ELP3: variants seen among roughly 807,000 people sequenced by gnomAD.
ELP3 encodes the protein elongator complex protein 3.
ELP3 carries 56 observed loss-of-function variants against 74.9 expected under a neutral mutation model. That is an observed-to-expected ratio of 0.75 (90% CI 0.60 to 0.93). The LOEUF is 0.93. Ranked by LOEUF, ELP3 falls within the 40% of genes least tolerant of loss-of-function variation. The pLI is 0.00. For missense variants in ELP3, 573 were observed against 686.5 expected (o/e 0.83, Z 1.85); for synonymous variants, 222 against 239.8 (o/e 0.93, Z 0.68).
intron 10 of ELP3, among the ~76,000 whole-genome samples, chr8:28,142,768 G>A (rs932438586): frequency 3.3e-5 from 5 of 152,114 alleles, no homozygotes; most frequent in African/African-American, 1.2e-4. Context: ...AGACTAATAT[G>A]TTCATAGTAT....
At position 28,137,857 on chromosome 8, in the gene ELP3, G is replaced by A. The variant is rs764195296; in HGVS notation, c.1066G>A (p.Val356Met). The part of the protein sequence containing the change: ...VELVARILAL[V>M]PPWTRVYRVQ... ...ATTGGTGGCTCGGATCCTAGCCCTCGTGCCTCCATGGACTCGAGTGTACCG... is the reference window on the plus strand; with the variant it reads ...ATTGGTGGCTCGGATCCTAGCCCTCATGCCTCCATGGACTCGAGTGTACCG... The change falls in exon 10 of 15, where the codon GTG becomes ATG. Residue 356 changes from valine to methionine, a missense_variant. Coordinates refer to ENST00000256398, the MANE Select transcript of ELP3 (RefSeq NM_018091.6). 20 of 1,612,998 alleles carry A rather than the reference G, an allele frequency of 1.2e-5. No homozygotes were observed. The highest frequency in any genetic ancestry group is 4.5e-5 in the East Asian group (2 of 44,880).
rs554926933 is a variant in ELP3 at position 28,110,388 on chromosome 8, A to C, written c.412A>C (p.Ile138Leu). 1.9e-6 allele frequency: 3 copies of C among 1,613,910 alleles called. No individual in the cohort carries two copies. The highest frequency in any genetic ancestry group is 2.2e-5 in the South Asian group (2 of 91,016). The change falls in exon 6 of 15, where the codon ATC becomes CTC. Residue 138 changes from isoleucine to leucine, a missense_variant. Coordinates refer to ENST00000256398, the MANE Select transcript of ELP3 (RefSeq NM_018091.6). ...TGYEPTSMRA[I>L]RARYDPFLQT... ...CTTCTAGCCAACCTCCATGAGAGCT[A>C]TCCGTGCCAGATATGACCCTTTCCT...
chr8:28,120,740 C>T (rs1463948641), intron 7 of ELP3, among the ~76,000 whole-genome samples: 1 of 152,144 alleles, frequency 6.6e-6, no homozygotes, highest in East Asian at 1.9e-4. Context: ...AGGTGGGGAT[C>T]AAGGTTCCTT....
intron 4 of ELP3, among the ~76,000 whole-genome samples, chr8:28,107,673 T>C (rs1811751589): frequency 6.6e-6 from 1 of 152,222 alleles, no homozygotes; most frequent in Non-Finnish European, 1.5e-5. Flanking sequence ...ACCTCTGAAA[T>C]AAACACAACT....
intron 7 of ELP3, among the ~76,000 whole-genome samples, chr8:28,124,266 G>A (rs1288764319): frequency 2.6e-5 from 4 of 152,076 alleles, no homozygotes; most frequent in East Asian, 1.9e-4. Context: ...AAGTGAATGC[G>A]GTGGAAAGAA....
intron 1 of ELP3, among the ~76,000 whole-genome samples, chr8:28,095,035 A>G (rs1045860616): frequency 6.6e-6 from 1 of 152,220 alleles, no homozygotes; most frequent in Non-Finnish European, 1.5e-5. Context: ...GCCTTTGCCT[A>G]GTGGCCAGGG....
At chr8:28,090,755 A>G (rs1218829959), upstream of ELP3, among the ~76,000 whole-genome samples, 1 of 152,050 alleles carries the variant, frequency 6.6e-6, no homozygotes, top group Non-Finnish European at 1.5e-5. Flanking sequence ...TCTGACTGGC[A>G]ATTGGTTGAA....
chr8:28,167,711 A>G (rs1250855224), intron 14 of ELP3, among the ~76,000 whole-genome samples: 1 of 152,052 alleles, frequency 6.6e-6, no homozygotes, highest in East Asian at 1.9e-4. Context: ...GTCCTTTTGT[A>G]CTATCTTTGT....
At chr8:28,168,343 G>A (rs963415022) in intron 14 of ELP3, among the ~76,000 whole-genome samples, 2 of 152,196 alleles carry the variant, frequency 1.3e-5, no homozygotes, top group African/African-American at 4.8e-5. Flanking sequence ...TTTGGCAAAT[G>A]CTGTTGCTAA....
chr8:28,099,688 C>T lies in ELP3; in HGVS notation c.120-140C>T. The stretch of plus-strand genomic sequence containing the variant: ...TATTCTTCTATTTCCCTGATAGTCA[C>T]AGATCTTAAAACTATCCTTGTCACG... On this transcript the variant is annotated intron_variant, in intron 2 of 14. Transcript: ENST00000256398. 6 of 933,870 alleles carry T rather than the reference C, an allele frequency of 6.4e-6. No homozygotes were observed. In the South Asian group the frequency reaches 9.2e-5, roughly 14 times the overall value. 57.8% of individuals were successfully genotyped at this position (933,870 alleles called of 1,614,324 possible).
intron 7 of ELP3, among the ~76,000 whole-genome samples, chr8:28,121,250 A>G (rs916531868): frequency 6.6e-6 from 1 of 151,782 alleles, no homozygotes; most frequent in Non-Finnish European, 1.5e-5. Flanking sequence ...TTCTTTCAAA[A>G]TATTTGTATG....
chr8:28,150,919 A>G (rs530787845), intron 10 of ELP3, among the ~76,000 whole-genome samples: 1 of 152,230 alleles, frequency 6.6e-6, no homozygotes, highest in Non-Finnish European at 1.5e-5. Flanking sequence ...TCAGCCTCCC[A>G]AATAATCGGG....
intron 6 of ELP3, chr8:28,112,547 A>T (rs1009267771): frequency 6.6e-6 from 1 of 151,978 alleles, no homozygotes; most frequent in Non-Finnish European, 1.5e-5. Context: ...TTTCTTTCCA[A>T]TCTATTCTTT....
intron 14 of ELP3, among the ~76,000 whole-genome samples, chr8:28,172,189 A>G (rs1175850275): frequency 6.6e-6 from 1 of 152,078 alleles, no homozygotes; most frequent in African/African-American, 2.4e-5. Flanking sequence ...AGCAAAAGCC[A>G]CTATTGGGAT....
chr8:28,107,421 C>T (rs1023097591), intron 4 of ELP3, among the ~76,000 whole-genome samples: 2 of 152,052 alleles, frequency 1.3e-5, no homozygotes, highest in Non-Finnish European at 2.9e-5. Context: ...CTAAATTCCA[C>T]GTCAGAAATT....
Position 28,189,637 on chromosome 8 carries a change from A to AT in ELP3, c.1568-7dup, listed in dbSNP as rs766725562. The stretch of plus-strand genomic sequence containing the variant: ...AGTGAATGCTCCTTTTTTAACTTCG[A>AT]TTTTTCTGCAGGGGTCGGCACCAGG... On this transcript the variant is annotated splice_polypyrimidine_tract_variant and intron_variant, in intron 14 of 14. Coordinates refer to ENST00000256398, the MANE Select transcript of ELP3 (RefSeq NM_018091.6). 2 of 1,613,854 alleles carry AT rather than the reference A, an allele frequency of 1.2e-6. No individual in the cohort carries two copies. The highest frequency in any genetic ancestry group is 1.1e-5 in the South Asian group (1 of 91,076).
In ELP3 at chr8:28,104,890, C is replaced by T. The variant is rs368342096; in HGVS notation, c.259-1823C>T. ...TAGGTGGATATCCTGTTTCTCATCACGTACCCAGTTCACTCCTTTATTTGT... is the reference window on the plus strand; with the variant it reads ...TAGGTGGATATCCTGTTTCTCATCATGTACCCAGTTCACTCCTTTATTTGT... On this transcript the variant is annotated intron_variant, in intron 3 of 14. Transcript: ENST00000256398. Among the ~76,000 whole-genome samples, 13 of 152,318 alleles carry T rather than the reference C, an allele frequency of 8.5e-5. 1 individual carries two copies. Among genetic ancestry groups the T allele is most frequent in the African/African-American group, 2.9e-4 (12 of 41,552 alleles).
In ELP3 at chr8:28,160,300, T is replaced by C. The variant is rs986788269; in HGVS notation, c.1329T>C (p.Asp443=). 6.2e-7 allele frequency: 1 copy of C among 1,614,158 alleles called. No homozygotes were observed. Among genetic ancestry groups the C allele is most frequent in the Non-Finnish European group, 8.5e-7 (1 of 1,180,010 alleles). Residue 443 remains aspartate (D), a synonymous_variant, in exon 13 of 15, where the codon GAT becomes GAC. Transcript: ENST00000256398. ...WETFLSYEDP[D]QDILIGLLRL... ...CATTCTTGTCATACGAAGACCCAGA[T>C]CAAGACATTTTGATTGGCCTCCTAC...
rs201016610 is a variant in ELP3, at chr8:28,107,879, A to T, written c.330-34A>T. The T allele has an allele frequency of 1.9e-6, 3 of 1,594,902 alleles. No homozygotes were observed. In the African/African-American group the frequency reaches 4.0e-5, roughly 21 times the overall value. ...ACTAGCTGATTGAACTCAGTTTTGC[A>T]TCTGACATTCTTGTTCTTTTGTTGT... On this transcript the variant is annotated intron_variant, in intron 4 of 14. Coordinates refer to ENST00000256398, the MANE Select transcript of ELP3 (RefSeq NM_018091.6).
Sources: allele counts gnomAD v4.1 joint callset (sites outside exome capture counted in the v4.1 genomes callset), GRCh38; gene constraint gnomAD v4.1.1; transcripts MANE v1.5; gene names NCBI Gene and HGNC (gene_info 2026-07-23, HGNC 2026-07-21).